NRG1: variants seen among roughly 807,000 people sequenced by gnomAD.
NRG1 encodes the protein pro-neuregulin-1, membrane-bound isoform.
In NRG1, 18 loss-of-function variants were observed where a neutral mutation model predicts 63.8. The observed-to-expected ratio is 0.28, with a 90% confidence interval of 0.19 to 0.42. NRG1 has a LOEUF of 0.42. Ranked by LOEUF, NRG1 falls within the 10% of genes least tolerant of loss-of-function variation. The pLI, the probability that NRG1 is intolerant of heterozygous loss-of-function variation, is 1.00. For missense variants in NRG1, 762 were observed against 814.7 expected (o/e 0.94, Z 0.79); for synonymous variants, 302 against 301.3 (o/e 1.00, Z -0.02).
At chr8:32,340,871 G>C (rs528824078) in intron 1 of NRG1, among the ~76,000 whole-genome samples, 3 of 152,208 alleles carry the variant, frequency 2.0e-5, no homozygotes, top group African/African-American at 7.2e-5. Context: ...ATGGAACACA[G>C]CCATGCCCAT....
intron 1 of NRG1, among the ~76,000 whole-genome samples, chr8:32,009,119 T>C (rs979585107): frequency 6.6e-6 from 1 of 152,070 alleles, no homozygotes; most frequent in African/African-American, 2.4e-5. Context: ...CTCAAGATGA[T>C]AAATGCAATC....
At chr8:32,711,958 A>G (rs546494045) in intron 5 of NRG1, among the ~76,000 whole-genome samples, 98 of 152,318 alleles carry the variant, frequency 6.4e-4, no homozygotes, top group Non-Finnish European at 1.2e-3. Flanking sequence ...TTCTACTTTT[A>G]ACATTTCACA....
chr8:31,809,336 A>G (rs1289326310), intron 1 of NRG1, among the ~76,000 whole-genome samples: 3 of 81,456 alleles, frequency 3.7e-5, no homozygotes, highest in African/African-American at 9.7e-5. Context: ...CTCTCTCTCC[A>G]TATATATATA....
chr8:31,934,315 G>GTA (rs984412464), intron 1 of NRG1, among the ~76,000 whole-genome samples: 1 of 149,988 alleles, frequency 6.7e-6, no homozygotes, highest in Admixed American at 6.7e-5. Context: ...GTACATGTGT[G>GTA]TATATATATG....
At chr8:32,757,870 ATTG>A (rs1829966667) in intron 9 of NRG1, among the ~76,000 whole-genome samples, 1 of 152,202 alleles carries the variant, frequency 6.6e-6, no homozygotes, top group Non-Finnish European at 1.5e-5. Flanking sequence ...GTGTTCAATA[ATTG>A]TTAAGTATTT....
intron 1 of NRG1, among the ~76,000 whole-genome samples, chr8:31,852,950 G>A (rs1364935414): frequency 6.6e-6 from 1 of 151,984 alleles, no homozygotes; most frequent in African/African-American, 2.4e-5. Context: ...TGAGGGCTCT[G>A]TTCTGTTCCA....
intron 1 of NRG1, among the ~76,000 whole-genome samples, chr8:32,553,537 T>G (rs926730878): frequency 2.6e-5 from 4 of 152,150 alleles, no homozygotes; most frequent in African/African-American, 7.2e-5. Flanking sequence ...ATATTGAAAG[T>G]AGAGTGAGGT....
chr8:32,004,920 G>A (rs1377579975), intron 1 of NRG1, among the ~76,000 whole-genome samples: 2 of 151,538 alleles, frequency 1.3e-5, no homozygotes, highest in African/African-American at 4.8e-5. Flanking sequence ...TAATACAAGT[G>A]TTCATTTAAT....
intron 1 of NRG1, among the ~76,000 whole-genome samples, chr8:32,495,411 G>A (rs1247019928): frequency 1.3e-5 from 2 of 152,138 alleles, no homozygotes; most frequent in East Asian, 1.9e-4. Flanking sequence ...GTGGAACTGT[G>A]AGTCCATTAA....
chr8:32,406,792 T>G (rs1215865836), intron 1 of NRG1, among the ~76,000 whole-genome samples: 1 of 152,164 alleles, frequency 6.6e-6, no homozygotes, highest in African/African-American at 2.4e-5. Flanking sequence ...GTGATAAGTA[T>G]TTTTGCTTAA....
intron 1 of NRG1, among the ~76,000 whole-genome samples, chr8:32,199,290 A>C (rs180830511): frequency 7.9e-5 from 12 of 151,698 alleles, no homozygotes; most frequent in Non-Finnish European, 1.8e-4. Flanking sequence ...CCCGCTATAT[A>C]CTCTAATTCC....
intron 1 of NRG1, among the ~76,000 whole-genome samples, chr8:32,142,903 T>C (rs1275272849): frequency 6.6e-6 from 1 of 152,212 alleles, no homozygotes; most frequent in Non-Finnish European, 1.5e-5. Context: ...TTTCTAAAGG[T>C]ATACTTATGT....
intron 1 of NRG1, among the ~76,000 whole-genome samples, chr8:32,252,284 G>A (rs935365214): frequency 6.6e-6 from 1 of 152,124 alleles, no homozygotes; most frequent in Non-Finnish European, 1.5e-5. Flanking sequence ...CCTATGTCCT[G>A]AATGATACTG....
chr8:32,491,145 G>A (rs528207803), intron 1 of NRG1, among the ~76,000 whole-genome samples: 18 of 152,114 alleles, frequency 1.2e-4, no homozygotes, highest in African/African-American at 3.1e-4. Context: ...AAGATGAGAC[G>A]GACCTAGCAT....
chr8:32,271,900 C>T (rs1851589843), intron 1 of NRG1, among the ~76,000 whole-genome samples: 2 of 152,116 alleles, frequency 1.3e-5, no homozygotes, highest in Non-Finnish European at 2.9e-5. Context: ...TGGCCTGCTT[C>T]TAGAAAACCA....
chr8:32,521,164 G>T (rs188968664), intron 1 of NRG1, among the ~76,000 whole-genome samples: 2 of 152,182 alleles, frequency 1.3e-5, no homozygotes, highest in Non-Finnish European at 2.9e-5. Flanking sequence ...ATGGTTTCTG[G>T]CATCCACTGG....
At chr8:31,733,941 G>A (rs1348396382) in intron 1 of NRG1, among the ~76,000 whole-genome samples, 2 of 152,094 alleles carry the variant, frequency 1.3e-5, no homozygotes, top group African/African-American at 4.8e-5. Context: ...CACTGGACTC[G>A]GGCTAGGTGA....
chr8:32,517,716 T>A (rs941301971), intron 1 of NRG1, among the ~76,000 whole-genome samples: 3 of 152,172 alleles, frequency 2.0e-5, no homozygotes, highest in African/African-American at 7.2e-5. Flanking sequence ...ATATGGAGCA[T>A]AAAATAATGA....
chr8:31,992,452 T>C (rs1811258106), intron 1 of NRG1, among the ~76,000 whole-genome samples: 1 of 152,036 alleles, frequency 6.6e-6, no homozygotes, highest in Admixed American at 6.6e-5. Context: ...GGAGGATAAT[T>C]GACAAGAACA....
Sources: gnomAD v4.1 joint callset for allele counts (sites outside exome capture counted in the v4.1 genomes callset) on GRCh38, gnomAD v4.1.1 for gene constraint, MANE v1.5 for transcripts, NCBI Gene and HGNC (gene_info 2026-07-23, HGNC 2026-07-21) for gene names.